Variants in FRMPD4 observed in about 807,000 individuals in gnomAD.
FRMPD4 encodes FERM and PDZ domain containing 4.
In FRMPD4, 22 loss-of-function variants were observed where a neutral mutation model predicts 94.1. That is an observed-to-expected ratio of 0.23 (90% CI 0.17 to 0.33). The LOEUF (loss-of-function observed/expected upper bound fraction) is 0.33, where lower values mean the gene tolerates loss of function less well. Ranked by LOEUF, FRMPD4 falls within the 10% of genes least tolerant of loss-of-function variation. The pLI is 1.00. For missense variants in FRMPD4, 1,111 were observed against 1,339.9 expected (o/e 0.83, Z 2.67); for synonymous variants, 631 against 548.6 (o/e 1.15, Z -2.10).
At chrX:12,681,891 T>C (rs752633327) in intron 5 of FRMPD4, among the ~76,000 whole-genome samples, 1 of 111,819 alleles carries the variant, frequency 8.9e-6, no homozygotes, top group Non-Finnish European at 1.9e-5. Flanking sequence ...CGCTACCTAG[T>C]TCCACAACTT....
At chrX:12,097,905 A>G (rs181432552) in intron 3 of FRMPD4, among the ~76,000 whole-genome samples, 279 of 112,443 alleles carry the variant, frequency 2.5e-3, no homozygotes, top group Middle Eastern at 0.023. Flanking sequence ...TTGTGTGGAT[A>G]TATGTTTCCA....
At chrX:12,265,115 T>C (rs2054252046) in intron 1 of FRMPD4, among the ~76,000 whole-genome samples, 1 of 112,171 alleles carries the variant, frequency 8.9e-6, no homozygotes, top group African/African-American at 3.2e-5. Context: ...ATTCTCAATC[T>C]TGGCTGCACC....
chrX:12,663,944 A>G (rs2059746703), intron 4 of FRMPD4, among the ~76,000 whole-genome samples: 1 of 111,166 alleles, frequency 9.0e-6, no homozygotes, highest in Non-Finnish European at 1.9e-5. Flanking sequence ...ATTCCTAGGT[A>G]TTTTATTCTC....
At chrX:12,447,849 C>G in intron 1 of FRMPD4, among the ~76,000 whole-genome samples, 1 of 112,331 alleles carries the variant, frequency 8.9e-6, no homozygotes, top group East Asian at 2.8e-4. Flanking sequence ...TTAATTCTCA[C>G]TGTGTTTCCT....
Position 11,930,107 on chromosome X carries a change from C to CAAAAA in FRMPD4, c.95+52112_95+52116dup, listed in dbSNP as rs55973946. ...TGGGCAACAGAGTGAGACTCTGTCT[C>CAAAAA]AAAAAAAAAAAAAAAAAAAAAAAAA... On this transcript the variant is annotated intron_variant, in intron 3 of 18. Transcript: ENST00000640291. 3.1e-3 allele frequency among the ~76,000 whole-genome samples: 41 copies of CAAAAA among 13,257 alleles called. 6 individuals carry two copies. The highest frequency in any genetic ancestry group is 5.5e-3 in the African/African-American group (20 of 3,634). The allele number at this position is 13,257 out of a possible 115,157, so 11.5% of individuals were successfully genotyped here.
chrX:11,943,404 G>T (rs1162174933), intron 3 of FRMPD4, among the ~76,000 whole-genome samples: 2 of 110,588 alleles, frequency 1.8e-5, no homozygotes, highest in African/African-American at 3.3e-5. Context: ...GTAAATAAAA[G>T]AAATTTATTT....
intron 2 of FRMPD4, among the ~76,000 whole-genome samples, chrX:12,533,074 C>A (rs2058301116): frequency 8.9e-6 from 1 of 111,803 alleles, no homozygotes; most frequent in African/African-American, 3.3e-5. Context: ...TGTCCACACC[C>A]AGATCTCATC....
chrX:12,002,712 G>T (rs145986552), intron 3 of FRMPD4, among the ~76,000 whole-genome samples: 1,581 of 111,911 alleles, frequency 0.014, 19 homozygotes, highest in African/African-American at 0.049. Flanking sequence ...CCCCTGAGTT[G>T]TCAGCCCTGT....
intron 1 of FRMPD4, among the ~76,000 whole-genome samples, chrX:12,161,901 A>C (rs2056032805): frequency 8.9e-6 from 1 of 111,927 alleles, no homozygotes; most frequent in South Asian, 3.7e-4. Flanking sequence ...GATTTTTATC[A>C]CTACTATCAA....
chrX:12,133,582 G>A (rs1434646488), upstream of FRMPD4, among the ~76,000 whole-genome samples: 1 of 111,519 alleles, frequency 9.0e-6, no homozygotes, highest in Non-Finnish European at 1.9e-5. Context: ...GAGCCACCAC[G>A]CCTGACCGAA....
chrX:12,679,644 T>C (rs2059945697), intron 5 of FRMPD4, among the ~76,000 whole-genome samples: 1 of 111,104 alleles, frequency 9.0e-6, no homozygotes, highest in African/African-American at 3.3e-5. Flanking sequence ...GCAGGAAAAT[T>C]TGAATTTTGA....
intron 3 of FRMPD4, among the ~76,000 whole-genome samples, chrX:12,116,373 C>T (rs1208761611): frequency 8.9e-6 from 1 of 112,162 alleles, no homozygotes; most frequent in Non-Finnish European, 1.9e-5. Flanking sequence ...GATACTTGAA[C>T]TCTCCCCATG....
chrX:12,575,314 C>CTTT (rs35769840), intron 2 of FRMPD4, among the ~76,000 whole-genome samples: 8 of 98,090 alleles, frequency 8.2e-5, no homozygotes, highest in African/African-American at 2.6e-4. Context: ...AAGTAAAGGT[C>CTTT]TTTTTTTTTT....
At chrX:12,607,387 G>A (rs1457485704) in intron 2 of FRMPD4, among the ~76,000 whole-genome samples, 2 of 111,813 alleles carry the variant, frequency 1.8e-5, no homozygotes, top group African/African-American at 6.5e-5. Context: ...ATGGTGGTGA[G>A]ACACTGGGGA....
intron 3 of FRMPD4, among the ~76,000 whole-genome samples, chrX:12,037,565 T>C (rs1301376131): frequency 9.0e-6 from 1 of 111,628 alleles, no homozygotes; most frequent in Non-Finnish European, 1.9e-5. Flanking sequence ...ATTTTATTTA[T>C]TTATTTTTAT....
chrX:12,632,669 G>A (rs1427309099), intron 4 of FRMPD4, among the ~76,000 whole-genome samples: 2 of 111,084 alleles, frequency 1.8e-5, no homozygotes, highest in Admixed American at 9.5e-5. Context: ...CTGTTCCCAA[G>A]CAATGGAACA....
At chrX:12,221,268 G>A (rs1321982226) in intron 1 of FRMPD4, among the ~76,000 whole-genome samples, 4 of 112,013 alleles carry the variant, frequency 3.6e-5, no homozygotes, top group African/African-American at 1.3e-4. Context: ...ACTCAATTCA[G>A]TGATTAAACA....
chrX:11,972,131 G>C (rs1211282404), intron 3 of FRMPD4, among the ~76,000 whole-genome samples: 2 of 112,218 alleles, frequency 1.8e-5, no homozygotes, highest in Non-Finnish European at 3.8e-5. Flanking sequence ...GATTTCTTCA[G>C]TTATGTGAGT....
chrX:12,181,846 C>A (rs1032841044), intron 1 of FRMPD4, among the ~76,000 whole-genome samples: 4 of 111,943 alleles, frequency 3.6e-5, no homozygotes, highest in Non-Finnish European at 7.5e-5. Flanking sequence ...CTCTGCCTCT[C>A]AGCCTCCTTT....
Sources: gnomAD v4.1 joint callset for allele counts (sites outside exome capture counted in the v4.1 genomes callset) on GRCh38, gnomAD v4.1.1 for gene constraint, MANE v1.5 for transcripts, NCBI Gene and HGNC (gene_info 2026-07-23, HGNC 2026-07-21) for gene names.